ZC3HAV1L: variants seen among roughly 807,000 people sequenced by gnomAD.
The protein encoded by ZC3HAV1L is ZC3HAV1 like.
Under a neutral mutation model 28.2 loss-of-function variants are expected in ZC3HAV1L, and 23 were observed. The ratio of observed to expected loss-of-function variants is 0.82; its 90% CI spans 0.59 to 1.16. The LOEUF (loss-of-function observed/expected upper bound fraction) is 1.16, where lower values mean the gene tolerates loss of function less well. ZC3HAV1L is among the 50% of genes most tolerant of loss of function. The pLI is 0.00. For synonymous variants in ZC3HAV1L, 180 were observed against 163.4 expected, an observed-to-expected ratio of 1.10 and a Z score of -0.78; for missense variants, 376 against 387.7, an observed-to-expected ratio of 0.97 and a Z score of 0.25.
chr7:139,027,236 T>A (rs1815382759), intron 3 of ZC3HAV1L, among the ~76,000 whole-genome samples: 1 of 152,208 alleles, frequency 6.6e-6, no homozygotes, highest in Non-Finnish European at 1.5e-5. Context: ...GCTTAGCAAC[T>A]CCGCCTTTGG....
chr7:139,026,978 G>T, intron 3 of ZC3HAV1L, 145 bp from the exon 4 acceptor site: 4 of 906,538 alleles, frequency 4.4e-6, no homozygotes, highest in South Asian at 3.9e-5. Flanking sequence ...TTAAAAAATT[G>T]TATGTGTGTG....
intron 3 of ZC3HAV1L, among the ~76,000 whole-genome samples, chr7:139,028,129 C>T (rs6953873): frequency 0.5 from 76,132 of 151,700 alleles, 19,609 homozygotes; most frequent in African/African-American, 0.54. Context: ...AATCCCAGCA[C>T]TTTGGGAGGC....
Position 139,035,776 on chromosome 7 carries a change from C to A in ZC3HAV1L, c.242G>T (p.Arg81Met). 1 of 1,495,668 alleles carries A rather than the reference C, an allele frequency of 6.7e-7. No individual in the cohort carries two copies. Among genetic ancestry groups the A allele is most frequent in the East Asian group, 2.8e-5 (1 of 35,932 alleles). The allele number at this position is 1,495,668 out of a possible 1,614,324, so 92.6% of individuals were successfully genotyped here. A position where few individuals can be genotyped will look rare whatever the true frequency, so the allele number is the denominator to read the frequency against. ...GCGCACAGAGGACACGGCCACCACCCTCCAGGCGGAGGTGCCGCCACCGCC... is the reference window on the plus strand; with the variant it reads ...GCGCACAGAGGACACGGCCACCACCATCCAGGCGGAGGTGCCGCCACCGCC... Reference protein sequence around the residue: ...AVGGGGTSAWRVVAVSSVRLC... With the variant: ...AVGGGGTSAWMVVAVSSVRLC... The change falls in exon 1 of 5, where the codon AGG (arginine) becomes ATG (methionine). Residue 81 changes from arginine to methionine, a missense_variant. Arg to Met is a moderately conservative substitution (Grantham distance 91). Coordinates refer to ENST00000275766, the MANE Select transcript of ZC3HAV1L (RefSeq NM_080660.4).
chr7:139,024,215 G>T (rs1451031435), downstream of ZC3HAV1L, among the ~76,000 whole-genome samples: 1 of 152,044 alleles, frequency 6.6e-6, no homozygotes, highest in Non-Finnish European at 1.5e-5. Flanking sequence ...TCAGAGAAAG[G>T]CATGGTTATA....
Position 139,026,832 on chromosome 7 carries a change from A to G in ZC3HAV1L, c.762T>C (p.Asp254=). 6.2e-7 allele frequency: 1 copy of G among 1,609,162 alleles called. No individual in the cohort carries two copies. Among genetic ancestry groups the G allele is most frequent in the Non-Finnish European group, 8.5e-7 (1 of 1,177,120 alleles). The part of the protein sequence containing the change: ...MKLHKMLENT[D]NSSPSTEHSQ... ...AATGCTCAGTCGAAGGTGATGAATT[A>G]TCTACAAAGAGGAAAGGGATAAGTT... Residue 254 remains aspartate, a splice_region_variant and synonymous_variant, in exon 4 of 5, where the codon GAT becomes GAC. Transcript: ENST00000275766.
At chr7:139,033,816 C>G in intron 2 of ZC3HAV1L, 2 of 985,468 alleles carry the variant, frequency 2.0e-6, no homozygotes, top group Non-Finnish European at 2.4e-6. Flanking sequence ...ACAGGAAGGA[C>G]TGGACCCAGC....
At chr7:139,035,359 G>A in intron 1 of ZC3HAV1L, 10 of 985,402 alleles carry the variant, frequency 1.0e-5, no homozygotes, top group Non-Finnish European at 1.2e-5. Flanking sequence ...CGAAGTCCCA[G>A]TCCGGATTTA....
intron 3 of ZC3HAV1L, among the ~76,000 whole-genome samples, chr7:139,027,216 G>C (rs923337681): frequency 2.0e-5 from 3 of 152,110 alleles, no homozygotes; most frequent in African/African-American, 7.2e-5. Context: ...ATGAAAACTC[G>C]ATGGTGAAAG....
In ZC3HAV1L at chr7:139,026,527, CTCCTTT is replaced by C. The variant is rs781634462; in HGVS notation, c.*11_*16del. The C allele has an allele frequency of 3.1e-6, 5 of 1,613,834 alleles. No individual in the cohort carries two copies. In the African/African-American group the frequency reaches 6.7e-5, roughly 22 times the overall value. ...ATGTATTCTTCCAAAAGGACATTTT[CTCCTTT>C]TCCATCTTCTTTACTTCTCGCAAGA... is the stretch of plus-strand genomic sequence containing the variant. On this transcript the variant is annotated 3_prime_UTR_variant, in exon 5 of 5. Transcript: ENST00000275766.
intron 3 of ZC3HAV1L, among the ~76,000 whole-genome samples, 171 bp downstream of exon 3, chr7:139,028,531 T>C (rs1815424500): frequency 6.6e-6 from 1 of 152,206 alleles, no homozygotes; most frequent in African/African-American, 2.4e-5. Flanking sequence ...ATCACCGTTC[T>C]ATACAATACA....
chr7:139,023,588 G>GA (rs1815291346), downstream of ZC3HAV1L, among the ~76,000 whole-genome samples: 1 of 152,130 alleles, frequency 6.6e-6, no homozygotes, highest in East Asian at 1.9e-4. Flanking sequence ...GTTTCAGCAG[G>GA]AAAAAAGCCA....
chr7:139,029,931 C>A (rs1815474120), intron 2 of ZC3HAV1L, among the ~76,000 whole-genome samples: 1 of 152,136 alleles, frequency 6.6e-6, no homozygotes, highest in South Asian at 2.1e-4. Flanking sequence ...TGATAGGGAA[C>A]TTTATAATGA....
downstream of ZC3HAV1L, among the ~76,000 whole-genome samples, chr7:139,024,464 A>C (rs1191080991): frequency 2.6e-5 from 4 of 152,218 alleles, no homozygotes; most frequent in African/African-American, 9.6e-5. Context: ...CTTACTACAA[A>C]AATATACATA....
Position 139,026,472 on chromosome 7 carries a change from C to G in ZC3HAV1L, c.*72G>C. 6.3e-7 allele frequency: 1 copy of G among 1,595,978 alleles called. No individual in the cohort carries two copies. The highest frequency in any genetic ancestry group is 8.5e-7 in the Non-Finnish European group (1 of 1,173,384). ...TAGCCTCTCTTTGCCTGTTCAATGT[C>G]CCACCCCATCCCCAACCACCCATGC... On this transcript the variant is annotated 3_prime_UTR_variant, in exon 5 of 5. Coordinates refer to ENST00000275766, the MANE Select transcript of ZC3HAV1L (RefSeq NM_080660.4).
intron 2 of ZC3HAV1L, among the ~76,000 whole-genome samples, chr7:139,029,470 C>T (rs1339546654): frequency 2.6e-5 from 4 of 152,176 alleles, no homozygotes; most frequent in Non-Finnish European, 5.9e-5. Flanking sequence ...TGGGCACTGG[C>T]TGCTTGTGAC....
Position 139,026,413 on chromosome 7 carries a change from C to G in ZC3HAV1L, c.*131G>C. ...CAGATAGCAGCTGCCATCTTCAGCA[C>G]TTGCCCTGGACTAGCCCCATCTGCA... On this transcript the variant is annotated 3_prime_UTR_variant, in exon 5 of 5. Transcript: ENST00000275766. The G allele has an allele frequency of 7.0e-7, 1 of 1,429,852 alleles. No individual in the cohort carries two copies. Among genetic ancestry groups the G allele is most frequent in the Admixed American group, 2.5e-5 (1 of 40,764 alleles). The allele number at this position is 1,429,852 out of a possible 1,614,324, so 88.6% of individuals were successfully genotyped here.
chr7:139,030,556 T>C (rs1312542471), intron 2 of ZC3HAV1L, among the ~76,000 whole-genome samples: 2 of 144,438 alleles, frequency 1.4e-5, no homozygotes, highest in Non-Finnish European at 3.0e-5. Flanking sequence ...AGGCCCGGTG[T>C]GGTGGCTCAC....
chr7:139,021,572 T>C (rs1815248425), downstream of ZC3HAV1L, among the ~76,000 whole-genome samples: 1 of 150,736 alleles, frequency 6.6e-6, no homozygotes, highest in South Asian at 2.1e-4. Context: ...TAAAAGAACA[T>C]ATACTATAAC....
intron 1 of ZC3HAV1L, chr7:139,034,896 C>T: frequency 1.0e-6 from 1 of 985,424 alleles, no homozygotes; most frequent in Non-Finnish European, 1.2e-6. Flanking sequence ...AGTAGGGATG[C>T]TTTGAAGCCA....
Sources: allele counts gnomAD v4.1 joint callset (sites outside exome capture counted in the v4.1 genomes callset), GRCh38; gene constraint gnomAD v4.1.1; transcripts MANE v1.5; gene names NCBI Gene and HGNC (gene_info 2026-07-23, HGNC 2026-07-21).